Variants in GREM2 observed in about 807,000 individuals in gnomAD.
GREM2 encodes gremlin-2.
Under a neutral mutation model 14.2 loss-of-function variants are expected in GREM2, and 11 were observed. The observed-to-expected ratio is 0.78, with a 90% CI of 0.49 to 1.28. The LOEUF (loss-of-function observed/expected upper bound fraction) is 1.28, where lower values mean the gene tolerates loss of function less well. GREM2 is among the 50% of genes most tolerant of loss of function. The pLI, the probability that GREM2 is intolerant of heterozygous loss-of-function variation, is 0.00. For missense variants in GREM2, 210 were observed against 218.5 expected (o/e 0.96, Z 0.24); for synonymous variants, 98 against 97.6 (o/e 1.00, Z -0.02).
chr1:240,596,584 C>A (rs1679822173), intron 1 of GREM2, among the ~76,000 whole-genome samples: 1 of 152,070 alleles, frequency 6.6e-6, no homozygotes. Flanking sequence ...GTAATCCCAG[C>A]TACTCAGGAG....
At chr1:240,520,676 G>A (rs1010326864) in intron 1 of GREM2, among the ~76,000 whole-genome samples, 21 of 151,844 alleles carry the variant, frequency 1.4e-4, no homozygotes, top group Non-Finnish European at 2.6e-4. Flanking sequence ...CCAAGTAGCT[G>A]GGACTACAGG....
intron 1 of GREM2, among the ~76,000 whole-genome samples, chr1:240,603,581 T>A (rs145869074): frequency 6.6e-6 from 1 of 152,118 alleles, no homozygotes; most frequent in African/African-American, 2.4e-5. Context: ...TTAAGACAGC[T>A]GAAGGTGTTA....
Position 240,489,811 on chromosome 1 carries a change from A to AATC in GREM2, c.*3155_*3157dup, listed in dbSNP as rs1284439277. The AATC allele has an allele frequency of 6.6e-6, 1 of 152,208 alleles. No homozygotes were observed. Among genetic ancestry groups the AATC allele is most frequent in the Non-Finnish European group, 1.5e-5 (1 of 68,028 alleles). 9.4% of individuals were successfully genotyped at this position (152,208 alleles called of 1,614,324 possible). A position where few individuals can be genotyped will look rare whatever the true frequency, so the allele number is the denominator to read the frequency against. ...ATTTTCATTGACTTTATAACTTAAA[A>AATC]ATCATCTGGCCAATTTCAAAAACAA... On this transcript the variant is annotated 3_prime_UTR_variant, in exon 2 of 2. Coordinates refer to ENST00000318160, the MANE Select transcript of GREM2 (RefSeq NM_022469.4).
chr1:240,564,847 C>T (rs775836041), intron 1 of GREM2, among the ~76,000 whole-genome samples: 1 of 152,286 alleles, frequency 6.6e-6, no homozygotes, highest in Middle Eastern at 3.4e-3. Context: ...TTGTACTTTT[C>T]GTCTCAGGGA....
intron 1 of GREM2, among the ~76,000 whole-genome samples, chr1:240,572,034 C>A (rs1679272007): frequency 6.6e-6 from 1 of 152,148 alleles, no homozygotes; most frequent in African/African-American, 2.4e-5. Context: ...CACAGGGCCT[C>A]ATGAGGATTT....
intron 1 of GREM2, among the ~76,000 whole-genome samples, chr1:240,573,960 CCCTGGCTGGAGTGCAGTGG>C (rs1679308544): frequency 6.6e-6 from 1 of 152,136 alleles, no homozygotes; most frequent in Non-Finnish European, 1.5e-5. Flanking sequence ...CACACTCTCG[CCCTGGCTGGAGTGCAGTGG>C]CTTGATCTTG....
intron 1 of GREM2, among the ~76,000 whole-genome samples, chr1:240,516,296 G>A (rs535839548): frequency 6.6e-4 from 100 of 152,128 alleles, no homozygotes; most frequent in Non-Finnish European, 1.2e-3. Flanking sequence ...TTTAGGAAGC[G>A]CAAAATGATC....
intron 1 of GREM2, among the ~76,000 whole-genome samples, chr1:240,581,785 A>C (rs1382540633): frequency 6.6e-6 from 1 of 152,248 alleles, no homozygotes; most frequent in Admixed American, 6.5e-5. Context: ...AAAATTTTTC[A>C]TACAGATATT....
intron 1 of GREM2, among the ~76,000 whole-genome samples, chr1:240,527,827 T>G (rs987985487): frequency 3.9e-5 from 6 of 152,212 alleles, no homozygotes; most frequent in African/African-American, 1.4e-4. Context: ...AATCCAAGTG[T>G]CGTATTTCTA....
intron 1 of GREM2, among the ~76,000 whole-genome samples, chr1:240,596,534 TA>T (rs1388008537): frequency 1.3e-5 from 2 of 151,936 alleles, no homozygotes; most frequent in Non-Finnish European, 2.9e-5. Context: ...CCATCTCTAC[TA>T]AAAATACAAA....
intron 1 of GREM2, among the ~76,000 whole-genome samples, chr1:240,586,818 T>C (rs550397195): frequency 6.6e-6 from 1 of 152,326 alleles, no homozygotes; most frequent in South Asian, 2.1e-4. Flanking sequence ...TTAAGGTGAC[T>C]TTGGCAAAGA....
intron 1 of GREM2, among the ~76,000 whole-genome samples, chr1:240,496,218 A>G (rs769984068): frequency 4.5e-4 from 68 of 152,058 alleles, no homozygotes; most frequent in Non-Finnish European, 8.2e-4. Flanking sequence ...ATTACAGGCC[A>G]CTGGGCCAGG....
intron 1 of GREM2, among the ~76,000 whole-genome samples, chr1:240,555,674 T>TA (rs1315180283): frequency 6.6e-6 from 1 of 152,204 alleles, no homozygotes; most frequent in Non-Finnish European, 1.5e-5. Context: ...ATGTAGATGA[T>TA]ACAGTTAAGA....
intron 1 of GREM2, among the ~76,000 whole-genome samples, chr1:240,537,205 A>G (rs1462307184): frequency 1.3e-5 from 2 of 152,376 alleles, no homozygotes; most frequent in East Asian, 3.9e-4. Flanking sequence ...GCAAACAAAT[A>G]ACTAAATAAA....
chr1:240,532,551 G>T (rs1472592192), intron 1 of GREM2, among the ~76,000 whole-genome samples: 2 of 152,050 alleles, frequency 1.3e-5, no homozygotes, highest in Non-Finnish European at 2.9e-5. Flanking sequence ...AAAGCAATCT[G>T]CCAGATTTAA....
At chr1:240,556,018 A>T (rs373606392) in intron 1 of GREM2, among the ~76,000 whole-genome samples, 5 of 152,336 alleles carry the variant, frequency 3.3e-5, no homozygotes, top group Admixed American at 1.3e-4. Flanking sequence ...TTTCTAGTAG[A>T]GCATATCCTA....
At chr1:240,584,632 C>T (rs537362812) in intron 1 of GREM2, among the ~76,000 whole-genome samples, 4 of 152,104 alleles carry the variant, frequency 2.6e-5, no homozygotes, top group Admixed American at 2.6e-4. Context: ...ATTGCTTGAG[C>T]CCAGGAGGAT....
intron 1 of GREM2, among the ~76,000 whole-genome samples, chr1:240,597,222 G>T (rs1412715902): frequency 6.6e-6 from 1 of 152,238 alleles, no homozygotes; most frequent in African/African-American, 2.4e-5. Context: ...ACAGAGCTCA[G>T]GAGCCAGGGC....
chr1:240,541,350 T>C (rs1227872091), intron 1 of GREM2, among the ~76,000 whole-genome samples: 1 of 152,160 alleles, frequency 6.6e-6, no homozygotes, highest in Non-Finnish European at 1.5e-5. Flanking sequence ...TTGGGAACAA[T>C]GGGACTGGCC....
Sources: gnomAD v4.1 joint callset for allele counts (sites outside exome capture counted in the v4.1 genomes callset) on GRCh38, gnomAD v4.1.1 for gene constraint, MANE v1.5 for transcripts, NCBI Gene and HGNC (gene_info 2026-07-23, HGNC 2026-07-21) for gene names.